Variants in MDGA2 observed in about 807,000 individuals in gnomAD.
MDGA2 encodes MAM domain containing glycosylphosphatidylinositol anchor 2.
MDGA2 carries 40 observed loss-of-function variants against 117.8 expected under a neutral mutation model. That is an observed-to-expected ratio of 0.34 (90% CI 0.26 to 0.44). The LOEUF is 0.44. MDGA2 is among the 20% of genes least tolerant of loss of function. MDGA2 has a pLI of 1.00. For missense variants in MDGA2, 1,123 were observed against 1,250.6 expected (o/e 0.90, Z 1.54); for synonymous variants, 452 against 439.0 (o/e 1.03, Z -0.37).
At chr14:47,584,518 A>G (rs867924888) in intron 1 of MDGA2, among the ~76,000 whole-genome samples, 3 of 151,802 alleles carry the variant, frequency 2.0e-5, no homozygotes, top group Non-Finnish European at 2.9e-5. Context: ...ACCAAATTTC[A>G]TATTTCTTAA....
intron 3 of MDGA2, among the ~76,000 whole-genome samples, chr14:47,159,902 CAT>C (rs1273054112): frequency 6.6e-6 from 1 of 152,092 alleles, no homozygotes; most frequent in Non-Finnish European, 1.5e-5. Context: ...ATTTCATAGA[CAT>C]ATAACTTAAT....
intron 1 of MDGA2, among the ~76,000 whole-genome samples, chr14:47,407,863 C>T (rs552842385): frequency 7.2e-4 from 110 of 152,186 alleles, no homozygotes; most frequent in African/African-American, 2.6e-3. Context: ...GGTGCAGATT[C>T]TTGACTGCAG....
At chr14:47,464,144 C>T (rs951452856) in intron 1 of MDGA2, among the ~76,000 whole-genome samples, 1 of 149,032 alleles carries the variant, frequency 6.7e-6, no homozygotes, top group African/African-American at 2.5e-5. Flanking sequence ...CACACACACA[C>T]AGAGCCTCTG....
chr14:47,538,626 C>T (rs1895272858), intron 1 of MDGA2, among the ~76,000 whole-genome samples: 1 of 152,274 alleles, frequency 6.6e-6, no homozygotes, highest in Admixed American at 6.5e-5. Flanking sequence ...ACTTGACCTT[C>T]CTATTACATT....
intron 1 of MDGA2, among the ~76,000 whole-genome samples, chr14:47,513,763 A>G (rs1220805941): frequency 6.6e-6 from 1 of 152,136 alleles, no homozygotes; most frequent in African/African-American, 2.4e-5. Flanking sequence ...TTCTGAGTTA[A>G]AAATTAATTG....
chr14:47,531,117 C>T (rs1055736681), intron 1 of MDGA2, among the ~76,000 whole-genome samples: 11 of 152,106 alleles, frequency 7.2e-5, no homozygotes, highest in Non-Finnish European at 1.3e-4. Context: ...TGGTGGTGGG[C>T]GCCTGTAGTC....
At chr14:46,990,097 C>T (rs930095642) in intron 8 of MDGA2, among the ~76,000 whole-genome samples, 1 of 152,046 alleles carries the variant, frequency 6.6e-6, no homozygotes, top group Non-Finnish European at 1.5e-5. Context: ...AGACATGTGA[C>T]CTTGAAATGT....
chr14:46,975,747 T>G (rs1033734943), intron 8 of MDGA2, among the ~76,000 whole-genome samples: 1 of 152,100 alleles, frequency 6.6e-6, no homozygotes, highest in Non-Finnish European at 1.5e-5. Flanking sequence ...TTGAGTGGCT[T>G]ATAAATATTT....
chr14:47,552,421 T>C (rs1475750655), intron 1 of MDGA2, among the ~76,000 whole-genome samples: 1 of 152,240 alleles, frequency 6.6e-6, no homozygotes, highest in Non-Finnish European at 1.5e-5. Flanking sequence ...CCTTAGGAAA[T>C]TGCAACTATG....
At chr14:47,113,644 A>G (rs1881166245) in intron 5 of MDGA2, among the ~76,000 whole-genome samples, 1 of 152,210 alleles carries the variant, frequency 6.6e-6, no homozygotes, top group Non-Finnish European at 1.5e-5. Flanking sequence ...AAGCAGAACT[A>G]AAGACAAAAA....
chr14:46,888,297 T>C lies in MDGA2; in HGVS notation c.2239-6076A>G, dbSNP rs370317608. Reference sequence around the variant, plus strand: ...ATATTATTCCACTGATTGAACGTAATACCAGAAAACCCTCAGAGAAGATGG... The same window carrying C: ...ATATTATTCCACTGATTGAACGTAACACCAGAAAACCCTCAGAGAAGATGG... On this transcript the variant is annotated intron_variant, in intron 10 of 16. Coordinates refer to ENST00000399232, the MANE Select transcript of MDGA2 (RefSeq NM_001113498.3). Among the ~76,000 whole-genome samples the C allele has an allele frequency of 3.3e-5, 5 of 152,084 alleles. 1 individual carries two copies. Among genetic ancestry groups the C allele is most frequent in the African/African-American group, 7.2e-5 (3 of 41,558 alleles).
intron 1 of MDGA2, among the ~76,000 whole-genome samples, chr14:47,537,353 G>A (rs1411175838): frequency 3.3e-5 from 5 of 150,404 alleles, no homozygotes; most frequent in Non-Finnish European, 7.4e-5. Context: ...TATACCTAAT[G>A]TAAATGACGA....
chr14:47,133,981 C>T (rs371512325), intron 4 of MDGA2, among the ~76,000 whole-genome samples: 3 of 152,018 alleles, frequency 2.0e-5, no homozygotes, highest in South Asian at 4.1e-4. Context: ...TTTTTTTCAG[C>T]TTTATTGAAG....
At chr14:47,391,959 C>T (rs1891904970) in intron 1 of MDGA2, among the ~76,000 whole-genome samples, 1 of 152,112 alleles carries the variant, frequency 6.6e-6, no homozygotes, top group Admixed American at 6.6e-5. Flanking sequence ...AAATAGAGGG[C>T]TAAAGGAGAC....
chr14:47,496,730 TATA>T (rs751655136), intron 1 of MDGA2, among the ~76,000 whole-genome samples: 2 of 150,540 alleles, frequency 1.3e-5, no homozygotes, highest in African/African-American at 2.4e-5. Context: ...TATATGTTAC[TATA>T]ATATGTATAA....
At chr14:46,905,787 G>GAAACA (rs752364586) in intron 10 of MDGA2, among the ~76,000 whole-genome samples, 6 of 151,858 alleles carry the variant, frequency 4.0e-5, no homozygotes, top group African/African-American at 1.5e-4. Flanking sequence ...TTAGATAACT[G>GAAACA]AAACAAAACA....
intron 1 of MDGA2, among the ~76,000 whole-genome samples, chr14:47,346,133 G>A (rs1594809339): frequency 6.6e-6 from 1 of 151,978 alleles, no homozygotes; most frequent in Admixed American, 6.6e-5. Context: ...ATAAGGTGAC[G>A]GATATGCTAA....
rs1001139325 is a variant in MDGA2, at chr14:46,866,953, A to C, written c.2752+6480T>G. ...TTTTACACTGTTGGTGGGACTGTAAACTAGTTCAACCATTGTGGAAGTCAG... is the reference window on the plus strand; with the variant it reads ...TTTTACACTGTTGGTGGGACTGTAACCTAGTTCAACCATTGTGGAAGTCAG... On this transcript the variant is annotated intron_variant, in intron 14 of 16. Transcript: ENST00000399232. Among the ~76,000 whole-genome samples the C allele has an allele frequency of 1.3e-3, 194 of 152,222 alleles. 2 individuals are homozygous for C. Among genetic ancestry groups the C allele is most frequent in the African/African-American group, 4.5e-3 (186 of 41,560 alleles).
chr14:47,179,996 A>G (rs1037477884), intron 3 of MDGA2, among the ~76,000 whole-genome samples: 1 of 141,372 alleles, frequency 7.1e-6, no homozygotes, highest in Non-Finnish European at 1.6e-5. Flanking sequence ...TTATTTACTC[A>G]TTATTTTATT....
Sources: gnomAD v4.1 joint callset for allele counts (sites outside exome capture counted in the v4.1 genomes callset) on GRCh38, gnomAD v4.1.1 for gene constraint, MANE v1.5 for transcripts, NCBI Gene and HGNC (gene_info 2026-07-23, HGNC 2026-07-21) for gene names.